Variants in CAAP1 observed in about 807,000 individuals in gnomAD.
CAAP1 encodes caspase activity and apoptosis inhibitor 1.
In CAAP1, 20 loss-of-function variants were observed where a neutral mutation model predicts 34.0. The ratio of observed to expected loss-of-function variants is 0.59; its 90% confidence interval spans 0.41 to 0.86. CAAP1 has a LOEUF of 0.86. CAAP1 is among the 40% of genes least tolerant of loss of function. CAAP1 has a pLI of 0.00. For synonymous variants in CAAP1, 213 were observed against 166.7 expected, an observed-to-expected ratio of 1.28 and a Z score of -2.14; for missense variants, 538 against 450.5, an observed-to-expected ratio of 1.19 and a Z score of -1.76.
intron 5 of CAAP1, among the ~76,000 whole-genome samples, chr9:26,852,517 G>A (rs893683176): frequency 6.6e-6 from 1 of 152,002 alleles, no homozygotes; most frequent in African/African-American, 2.4e-5. Context: ...AAGTAGGTTA[G>A]GGAAGGGAAG....
At chr9:26,845,725 T>C (rs936248091) in intron 5 of CAAP1, among the ~76,000 whole-genome samples, 3 of 152,170 alleles carry the variant, frequency 2.0e-5, no homozygotes, top group Non-Finnish European at 4.4e-5. Context: ...CTTTTTATCA[T>C]TGCACCCTGT....
intron 4 of CAAP1, among the ~76,000 whole-genome samples, chr9:26,867,547 T>A (rs1823168200): frequency 6.6e-6 from 1 of 152,200 alleles, no homozygotes; most frequent in East Asian, 1.9e-4. Context: ...TTCTTTAGCC[T>A]ACCACAGATG....
rs574122305 is a variant in CAAP1 at position 26,862,471 on chromosome 9, T to C, written c.666-1332A>G. ...ACATCACCAATAAGAGGAGGATGGA[T>C]ATATGTAATACTCTAAGGAAGACAC... On this transcript the variant is annotated intron_variant, in intron 4 of 5. Coordinates refer to ENST00000333916, the MANE Select transcript of CAAP1 (RefSeq NM_024828.4). Among the ~76,000 whole-genome samples the C allele has an allele frequency of 5.9e-5, 9 of 151,912 alleles. No individual in the cohort carries two copies. The South Asian group carries it at 1.9e-3, about 32-fold the overall frequency.
intron 4 of CAAP1, among the ~76,000 whole-genome samples, chr9:26,878,476 C>T (rs181796364): frequency 6.6e-6 from 1 of 152,280 alleles, no homozygotes; most frequent in East Asian, 1.9e-4. Context: ...ATATCTACTC[C>T]CCAGTTTTTT....
In CAAP1 at chr9:26,892,640, G is replaced by C. The variant is rs1418803398; in HGVS notation, c.76C>G (p.Pro26Ala). ...SQEAAAALAA[P>A]DIVPALASGS... Reference sequence around the variant, plus strand: ...CTGGCCAACGCGGGTACGATGTCCGGGGCCGCGAGCGCTGCGGCCGCCTCC... The same window carrying C: ...CTGGCCAACGCGGGTACGATGTCCGCGGCCGCGAGCGCTGCGGCCGCCTCC... The change falls in exon 1 of 6, where the codon CCG (proline) becomes GCG (alanine). Residue 26 changes from proline to alanine, a missense_variant. Around this residue, in one of 3 missense-constraint regions of CAAP1, gnomAD observed 514 missense variants for 408.4 expected, o/e 1.26. Coordinates refer to ENST00000333916, the MANE Select transcript of CAAP1 (RefSeq NM_024828.4). The C allele has an allele frequency of 1.9e-6, 3 of 1,608,402 alleles. No homozygotes were observed. Among genetic ancestry groups the C allele is most frequent in the East Asian group, 2.2e-5 (1 of 44,862 alleles).
chr9:26,869,706 A>G (rs1219289741), intron 4 of CAAP1, among the ~76,000 whole-genome samples: 1 of 152,234 alleles, frequency 6.6e-6, no homozygotes, highest in African/African-American at 2.4e-5. Context: ...GGAAACACAG[A>G]TGAGTAACTC....
chr9:26,860,956 C>CT, intron 5 of CAAP1, 110 bp downstream of exon 5: 2 of 766,790 alleles, frequency 2.6e-6, no homozygotes, highest in Non-Finnish European at 4.6e-6. Context: ...AAATTGCTCT[C>CT]TTCCTCTATC....
intron 4 of CAAP1, among the ~76,000 whole-genome samples, chr9:26,873,217 G>C (rs1472860989): frequency 1.3e-5 from 2 of 152,178 alleles, no homozygotes; most frequent in Non-Finnish European, 2.9e-5. Flanking sequence ...ACTCCAGCCA[G>C]GGTGACAAGT....
intron 4 of CAAP1, among the ~76,000 whole-genome samples, chr9:26,868,070 T>C (rs184287031): frequency 1.1e-3 from 166 of 152,340 alleles, no homozygotes; most frequent in Admixed American, 2.2e-3. Context: ...TTTATGTACA[T>C]ACAACTCTGC....
At chr9:26,849,412 G>A (rs749633655) in intron 5 of CAAP1, among the ~76,000 whole-genome samples, 6 of 152,100 alleles carry the variant, frequency 3.9e-5, no homozygotes, top group African/African-American at 7.2e-5. Context: ...GGAATATATC[G>A]TATCTTCTTG....
At chr9:26,858,514 C>T (rs886603654) in intron 5 of CAAP1, among the ~76,000 whole-genome samples, 3 of 151,880 alleles carry the variant, frequency 2.0e-5, no homozygotes, top group Admixed American at 1.3e-4. Context: ...ACTTTAATTC[C>T]CTGCTTTTTA....
intron 4 of CAAP1, among the ~76,000 whole-genome samples, chr9:26,869,396 C>T (rs1251985426): frequency 6.6e-6 from 1 of 152,080 alleles, no homozygotes; most frequent in Non-Finnish European, 1.5e-5. Context: ...GGATATGGGG[C>T]CATGGCCTTA....
intron 4 of CAAP1, among the ~76,000 whole-genome samples, chr9:26,872,812 C>T (rs1179679048): frequency 1.3e-5 from 2 of 151,822 alleles, no homozygotes; most frequent in Non-Finnish European, 2.9e-5. Flanking sequence ...TAAAATGGTT[C>T]CATTTATACA....
At chr9:26,887,215 AAAAC>A (rs957620604) in intron 2 of CAAP1, 94 bp downstream of exon 2, 18 of 792,474 alleles carry the variant, frequency 2.3e-5, no homozygotes, top group African/African-American at 1.1e-4. Flanking sequence ...CCGTCTCAAA[AAAAC>A]AAACAAACAA....
At chr9:26,870,964 G>C (rs1013467659) in intron 4 of CAAP1, among the ~76,000 whole-genome samples, 1 of 152,082 alleles carries the variant, frequency 6.6e-6, no homozygotes, top group African/African-American at 2.4e-5. Context: ...ATGTACTGCA[G>C]ATTTATGCTG....
intron 5 of CAAP1, among the ~76,000 whole-genome samples, chr9:26,857,591 C>T (rs1563881930): frequency 1.3e-5 from 2 of 152,206 alleles, no homozygotes; most frequent in East Asian, 1.9e-4. Context: ...GAAATCACAC[C>T]ACTGCACTCC....
At chr9:26,868,157 C>T (rs1823181160) in intron 4 of CAAP1, among the ~76,000 whole-genome samples, 1 of 152,074 alleles carries the variant, frequency 6.6e-6, no homozygotes, top group Non-Finnish European at 1.5e-5. Flanking sequence ...GAATAACAGC[C>T]CCCCAAATAT....
intron 4 of CAAP1, among the ~76,000 whole-genome samples, chr9:26,881,916 A>G (rs1192338112): frequency 2.6e-5 from 4 of 152,140 alleles, no homozygotes; most frequent in South Asian, 4.2e-4. Flanking sequence ...CGGAGATGAG[A>G]AACTTGTTGG....
rs1052083925 is a variant in CAAP1 at position 26,871,179 on chromosome 9, C to A, written c.666-10040G>T. On this transcript the variant is annotated intron_variant, in intron 4 of 5. Transcript: ENST00000333916. ...ACATACATATTCAGGGAATATATGT[C>A]ACCTAAATTGAAACAATTCAAATTC... Among the ~76,000 whole-genome samples the A allele has an allele frequency of 2.6e-5, 4 of 152,292 alleles. No homozygotes were observed. The South Asian group carries it at 8.3e-4, about 32-fold the overall frequency.
Sources: gnomAD v4.1 joint callset for allele counts (sites outside exome capture counted in the v4.1 genomes callset) on GRCh38, gnomAD v4.1.1 for gene constraint, gnomAD v4.1.1 regional missense constraint, MANE v1.5 for transcripts, NCBI Gene and HGNC (gene_info 2026-07-23, HGNC 2026-07-21) for gene names.